The following C5orf24 variants were observed in gnomAD, a reference collection of about 807,000 sequenced individuals.
C5orf24 encodes chromosome 5 open reading frame 24.
In C5orf24, 4 loss-of-function variants were observed where a neutral mutation model predicts 9.8. The observed-to-expected ratio is 0.41, with a 90% CI of 0.20 to 0.93. C5orf24 has a LOEUF of 0.93. C5orf24 is among the 40% of genes least tolerant of loss of function. C5orf24 has a pLI of 0.33. For synonymous variants in C5orf24, 73 were observed against 81.3 expected (o/e 0.90, Z 0.55); for missense variants, 170 against 236.9 (o/e 0.72, Z 1.85).
chr5:134,851,771 C>G (rs1219283807), intron 1 of C5orf24, among the ~76,000 whole-genome samples: 1 of 152,166 alleles, frequency 6.6e-6, no homozygotes, highest in Non-Finnish European at 1.5e-5. Flanking sequence ...TAGGCTTGTA[C>G]TGAGGATTAA....
chr5:134,835,962 C>T, the C5orf24 span, among the ~76,000 whole-genome samples: 1 of 152,036 alleles, frequency 6.6e-6, no homozygotes. Context: ...ACTGGGATTA[C>T]AGGCATGAGC....
intron 1 of C5orf24, among the ~76,000 whole-genome samples, chr5:134,852,667 C>T (rs1756189642): frequency 6.6e-6 from 1 of 152,212 alleles, no homozygotes; most frequent in Non-Finnish European, 1.5e-5. Context: ...ATTTGTGACT[C>T]TTTATAAATC....
chr5:134,842,228 G>A (rs1351764582), upstream of C5orf24, among the ~76,000 whole-genome samples: 1 of 152,136 alleles, frequency 6.6e-6, no homozygotes, highest in African/African-American at 2.4e-5. Flanking sequence ...GGTGGCTCCT[G>A]CCTGTAATCC....
upstream of C5orf24, among the ~76,000 whole-genome samples, chr5:134,843,660 G>A (rs1031771156): frequency 7.9e-5 from 12 of 152,150 alleles, no homozygotes; most frequent in African/African-American, 2.4e-4. Flanking sequence ...AGGTTCAAGC[G>A]ATTCTCTTGC....
intron 1 of C5orf24, among the ~76,000 whole-genome samples, chr5:134,853,253 C>T (rs375594723): frequency 2.3e-4 from 34 of 149,366 alleles, no homozygotes; most frequent in East Asian, 1.4e-3. Context: ...CCCAGCTACT[C>T]GGGAGGCTGA....
chr5:134,857,225 G>A lies in C5orf24; in HGVS notation c.*1758G>A. On this transcript the variant is annotated 3_prime_UTR_variant, in exon 2 of 2. Transcript: ENST00000394976. ...TTTTAAATGCCTTTGAGATTAAAAT[G>A]TAGAATTGCAGGACCCAAAAACTTT... 7.7e-7 allele frequency: 1 copy of A among 1,305,968 alleles called. No individual in the cohort carries two copies. Among genetic ancestry groups the A allele is most frequent in the Non-Finnish European group, 9.8e-7 (1 of 1,017,186 alleles). The allele number at this position is 1,305,968 out of a possible 1,614,324, so 80.9% of individuals were successfully genotyped here.
Position 134,857,495 on chromosome 5 carries a change from A to C in C5orf24, c.*2028A>C, listed in dbSNP as rs2150177871. The C allele has an allele frequency of 1.4e-6, 2 of 1,395,848 alleles. No homozygotes were observed. Among genetic ancestry groups the C allele is most frequent in the Non-Finnish European group, 1.9e-6 (2 of 1,056,286 alleles). 86.5% of individuals were successfully genotyped at this position (1,395,848 alleles called of 1,614,324 possible). A position where few individuals can be genotyped will look rare whatever the true frequency, so the allele number is the denominator to read the frequency against. ...TGGCGTCTAAGACAGTGACCTCAAC[A>C]ATATTAGCTTTGCACAAACCATAGA... On this transcript the variant is annotated 3_prime_UTR_variant, in exon 2 of 2. Coordinates refer to ENST00000394976, the MANE Select transcript of C5orf24 (RefSeq NM_001135586.1).
At chr5:134,841,555 C>G (rs1199455800), upstream of C5orf24, among the ~76,000 whole-genome samples, 1 of 152,078 alleles carries the variant, frequency 6.6e-6, no homozygotes. Flanking sequence ...CCACTGCACT[C>G]CAGCCTGGGT....
At chr5:134,844,983 GCCTC>G (rs1744037951), upstream of C5orf24, among the ~76,000 whole-genome samples, 1 of 152,158 alleles carries the variant, frequency 6.6e-6, no homozygotes, top group Non-Finnish European at 1.5e-5. Context: ...TGATCTGCCC[GCCTC>G]GGCCTCCCAA....
At chr5:134,853,517 T>G (rs1249819507) in intron 1 of C5orf24, among the ~76,000 whole-genome samples, 1 of 147,276 alleles carries the variant, frequency 6.8e-6, no homozygotes, top group Non-Finnish European at 1.5e-5. Context: ...TTGGACCTTC[T>G]TCTTCTTCTT....
At chr5:134,844,658 T>C (rs769626530), upstream of C5orf24, among the ~76,000 whole-genome samples, 6 of 152,146 alleles carry the variant, frequency 3.9e-5, no homozygotes, top group Non-Finnish European at 7.4e-5. Context: ...AATCATGTTA[T>C]GAATCTCCGT....
At chr5:134,834,226 C>G in the C5orf24 span, among the ~76,000 whole-genome samples, 2 of 152,142 alleles carry the variant, frequency 1.3e-5, no homozygotes, top group African/African-American at 4.8e-5. Flanking sequence ...AAAACATGTT[C>G]TTTCTACAGA....
upstream of C5orf24, among the ~76,000 whole-genome samples, chr5:134,844,179 G>C (rs1198533327): frequency 6.6e-6 from 1 of 152,138 alleles, no homozygotes; most frequent in Non-Finnish European, 1.5e-5. Context: ...TGGTATGGGA[G>C]TGCTCCACCT....
At chr5:134,854,858 G>T (rs761536554) in intron 1 of C5orf24, 40 bp from the exon 2 acceptor site, 2 of 1,593,348 alleles carry the variant, frequency 1.3e-6, no homozygotes, top group Non-Finnish European at 1.7e-6. Context: ...ATGTATTTGT[G>T]TGTGTGTATT....
At chr5:134,854,794 C>A in intron 1 of C5orf24, 104 bp from the exon 2 acceptor site, 4 of 1,251,466 alleles carry the variant, frequency 3.2e-6, no homozygotes, top group Non-Finnish European at 4.4e-6. Context: ...TTTTATGTAG[C>A]CTGCATAGTT....
upstream of C5orf24, among the ~76,000 whole-genome samples, chr5:134,841,258 G>A (rs1755889499): frequency 6.6e-6 from 1 of 151,932 alleles, no homozygotes; most frequent in Non-Finnish European, 1.5e-5. Context: ...GCTAGATTAT[G>A]GTGTAGTAAG....
upstream of C5orf24, among the ~76,000 whole-genome samples, chr5:134,842,315 C>T (rs1184517406): frequency 1.3e-5 from 2 of 151,938 alleles, no homozygotes; most frequent in African/African-American, 4.8e-5. Context: ...CATGGTGAAA[C>T]CCTGTCCCTA....
At chr5:134,844,930 G>C (rs552512791), upstream of C5orf24, among the ~76,000 whole-genome samples, 23 of 152,088 alleles carry the variant, frequency 1.5e-4, no homozygotes, top group Non-Finnish European at 3.1e-4. Context: ...TAGAGAAGGG[G>C]TTTCACCATG....
chr5:134,854,234 A>G (rs1033314666), intron 1 of C5orf24, among the ~76,000 whole-genome samples: 6 of 152,050 alleles, frequency 3.9e-5, no homozygotes, highest in Non-Finnish European at 8.8e-5. Flanking sequence ...GGAATGGAGG[A>G]TGTTTGAAGG....
Sources: allele counts gnomAD v4.1 joint callset (sites outside exome capture counted in the v4.1 genomes callset), GRCh38; gene constraint gnomAD v4.1.1; transcripts MANE v1.5; gene names NCBI Gene and HGNC (gene_info 2026-07-23, HGNC 2026-07-21).